The following IPO13 variants were observed in gnomAD, a reference collection of about 807,000 sequenced individuals.
IPO13 encodes importin-13.
A neutral mutation model predicts 115.5 loss-of-function variants in IPO13; 28 were observed. The observed-to-expected ratio is 0.24, with a 90% CI of 0.18 to 0.33. The LOEUF (loss-of-function observed/expected upper bound fraction) is 0.33, where lower values mean the gene tolerates loss of function less well. Among genes scored for constraint, IPO13 ranks in the 10% least tolerant of loss-of-function variants. The pLI is 1.00. For synonymous variants in IPO13, 414 were observed against 478.9 expected (o/e 0.86, Z 1.77); for missense variants, 785 against 1,204.6 (o/e 0.65, Z 5.16).
chr1:43,947,566 TC>T lies in IPO13; in HGVS notation c.-34del. The T allele has an allele frequency of 8.3e-7, 1 of 1,206,090 alleles. No individual in the cohort carries two copies. Among genetic ancestry groups the T allele is most frequent in the Non-Finnish European group, 1.1e-6 (1 of 938,682 alleles). The allele number at this position is 1,206,090 out of a possible 1,614,324, so 74.7% of individuals were successfully genotyped here. A position where few individuals can be genotyped will look rare whatever the true frequency, so the allele number is the denominator to read the frequency against. ...CCAAGGGGCTGGGGCAGGAGACAGATCAGGGCCCACCTCCCTGCCAGGGAGG... is the reference window on the plus strand; with the variant it reads ...CCAAGGGGCTGGGGCAGGAGACAGATAGGGCCCACCTCCCTGCCAGGGAGG... On this transcript the variant is annotated 5_prime_UTR_variant, in exon 1 of 20. Coordinates refer to ENST00000372343, the MANE Select transcript of IPO13 (RefSeq NM_014652.4).
At chr1:43,962,700 G>A (rs1203944629) in intron 14 of IPO13, among the ~76,000 whole-genome samples, 1 of 152,194 alleles carries the variant, frequency 6.6e-6, no homozygotes, top group Non-Finnish European at 1.5e-5. Context: ...TAGAAAGGAG[G>A]AAGACTGCAT....
At chr1:43,964,190 C>G (rs934713104) in intron 14 of IPO13, 79 bp from the exon 15 acceptor site, 15 of 965,360 alleles carry the variant, frequency 1.6e-5, no homozygotes, top group Non-Finnish European at 2.0e-5. Context: ...CCTGCAGGCT[C>G]TCAGTCCCAC....
rs199615197 is a variant in IPO13 at position 43,957,271 on chromosome 1, C to T, written c.1348C>T (p.Leu450=). ...AELLSNLYDK[L]GRLLTSSEEP... ...GCTGCTCAGCAACCTCTATGACAAG[C>T]TGGGTCGTTTGCTCACCAGCTCAGA... is the stretch of plus-strand genomic sequence containing the variant. Residue 450 remains leucine, a synonymous_variant, in exon 6 of 20, where the codon CTG becomes TTG. Coordinates refer to ENST00000372343, the MANE Select transcript of IPO13 (RefSeq NM_014652.4). 16 of 1,614,128 alleles carry T rather than the reference C, an allele frequency of 9.9e-6. No individual in the cohort carries two copies. The Admixed American group carries it at 1.0e-4, about 10-fold the overall frequency.
intron 1 of IPO13, 22 bp downstream of exon 1, chr1:43,947,706 C>T: frequency 8.0e-7 from 1 of 1,242,978 alleles, no homozygotes; most frequent in African/African-American, 1.6e-5. Context: ...CTGGGGTGGG[C>T]ACTCCAGTGA....
At chr1:43,959,595 CGTT>C (rs1481194775) in intron 11 of IPO13, among the ~76,000 whole-genome samples, 9 of 152,176 alleles carry the variant, frequency 5.9e-5, no homozygotes, top group African/African-American at 1.7e-4. Context: ...CTGCTTTAGT[CGTT>C]GTTCCCAGAA....
intron 2 of IPO13, among the ~76,000 whole-genome samples, chr1:43,955,804 T>A (rs2085243276): frequency 6.6e-6 from 1 of 152,156 alleles, no homozygotes; most frequent in Non-Finnish European, 1.5e-5. Flanking sequence ...CATGACAGTC[T>A]GCCCTCTGGT....
In IPO13 at chr1:43,947,375, C is replaced by G. The variant is rs1392885169; in HGVS notation, c.-226C>G. The G allele has an allele frequency of 2.0e-5, 8 of 398,920 alleles. No individual in the cohort carries two copies. Among genetic ancestry groups the G allele is most frequent in the Admixed American group, 1.8e-4 (4 of 22,718 alleles). The allele number at this position is 398,920 out of a possible 1,614,324, so 24.7% of individuals were successfully genotyped here. On this transcript the variant is annotated 5_prime_UTR_variant, in exon 1 of 20. Transcript: ENST00000372343. ...AGCTCCTCACTGACGGCTCCCTCCT[C>G]GGAGTCCCCTTCATTGGGTCTCCTA...
intron 14 of IPO13, 75 bp from the exon 15 acceptor site, chr1:43,964,194 G>A: frequency 9.9e-7 from 1 of 1,010,860 alleles, no homozygotes; most frequent in Non-Finnish European, 1.6e-6. Flanking sequence ...CAGGCTCTCA[G>A]TCCCACATAA....
chr1:43,962,508 C>A (rs2085296873), intron 14 of IPO13, among the ~76,000 whole-genome samples: 1 of 152,170 alleles, frequency 6.6e-6, no homozygotes, highest in South Asian at 2.1e-4. Flanking sequence ...TTGTTCCATT[C>A]CCACCCACAT....
chr1:43,951,331 G>T (rs1471177440), intron 2 of IPO13, among the ~76,000 whole-genome samples: 1 of 152,190 alleles, frequency 6.6e-6, no homozygotes, highest in East Asian at 1.9e-4. Flanking sequence ...GAGAACGCAG[G>T]GGCCTTGAAG....
chr1:43,954,756 C>T (rs546858615), intron 2 of IPO13, among the ~76,000 whole-genome samples: 2 of 152,190 alleles, frequency 1.3e-5, no homozygotes, highest in East Asian at 3.9e-4. Context: ...TTTTCTCATT[C>T]AACACTTTCT....
intron 2 of IPO13, 74 bp downstream of exon 2, chr1:43,950,227 A>G (rs1188259797): frequency 6.7e-7 from 1 of 1,486,122 alleles, no homozygotes; most frequent in African/African-American, 1.4e-5. Flanking sequence ...TCTGTTCAAT[A>G]AACATTAATT....
rs112606812 is a variant in IPO13 at position 43,947,485 on chromosome 1, C to A, written c.-116C>A. ...GGCAGCCATGCCCGCCCTGGGCCCCCCCTCACCCCACCACTCCCTGGGCAC... is the reference window on the plus strand; with the variant it reads ...GGCAGCCATGCCCGCCCTGGGCCCCACCTCACCCCACCACTCCCTGGGCAC... On this transcript the variant is annotated 5_prime_UTR_variant, in exon 1 of 20. Transcript: ENST00000372343. 2 of 539,568 alleles carry A rather than the reference C, an allele frequency of 3.7e-6. No homozygotes were observed. The highest frequency in any genetic ancestry group is 2.8e-6 in the Non-Finnish European group (1 of 352,738). 33.4% of individuals were successfully genotyped at this position (539,568 alleles called of 1,614,324 possible).
At chr1:43,957,157 G>C in intron 5 of IPO13, 38 bp from the exon 6 acceptor site, 1 of 1,606,130 alleles carries the variant, frequency 6.2e-7, no homozygotes, top group Non-Finnish European at 8.5e-7. Flanking sequence ...CCAGGGTCAG[G>C]ATCCAGGCAG....
rs539551187 is a variant in IPO13 at position 43,965,763 on chromosome 1, A to AT, written c.2398-811dup. ...TGGGGGTGTTTGCACATGAGTAAAC[A>AT]TGGGGGGTAGAGGGGATGTGAGGGG... On this transcript the variant is annotated intron_variant, in intron 15 of 19. Coordinates refer to ENST00000372343, the MANE Select transcript of IPO13 (RefSeq NM_014652.4). Among the ~76,000 whole-genome samples the AT allele has an allele frequency of 3.9e-5, 5 of 126,632 alleles. No individual in the cohort carries two copies. In the East Asian group the frequency reaches 1.3e-3, roughly 32 times the overall value. The allele number at this position is 126,632 out of a possible 152,430, so 83.1% of individuals were successfully genotyped here.
chr1:43,955,555 C>T (rs1327475702), intron 2 of IPO13, among the ~76,000 whole-genome samples: 3 of 152,210 alleles, frequency 2.0e-5, no homozygotes, highest in Non-Finnish European at 4.4e-5. Context: ...TGTTCCCTGG[C>T]TTCCAGCTGG....
chr1:43,949,306 C>G lies in IPO13; in HGVS notation c.85-111C>G. ...GAGCGCTGAGCTCTCCCTGCTCAGC[C>G]CCCCAGTCAGGGAGAGGGAGCAGCC... is the stretch of plus-strand genomic sequence containing the variant. On this transcript the variant is annotated intron_variant, in intron 1 of 19. Transcript: ENST00000372343. 4 of 1,170,068 alleles carry G rather than the reference C, an allele frequency of 3.4e-6. No individual in the cohort carries two copies. The South Asian group carries it at 6.4e-5, about 19-fold the overall frequency. 72.5% of individuals were successfully genotyped at this position (1,170,068 alleles called of 1,614,324 possible). A position where few individuals can be genotyped will look rare whatever the true frequency, so the allele number is the denominator to read the frequency against.
Position 43,958,416 on chromosome 1 carries a change from C to T in IPO13, c.1750-45C>T, listed in dbSNP as rs2085266601. ...GAGGCTCATTTTCCTTCCTACCCCA[C>T]AACTAGATGTGGCCAGGACTGACCA... On this transcript the variant is annotated intron_variant, in intron 9 of 19. Transcript: ENST00000372343. This position sits in a 1 kb window ranked among gnomAD's most constrained non-coding sequence, Gnocchi z 6.3. The T allele has an allele frequency of 1.9e-6, 3 of 1,612,584 alleles. No individual in the cohort carries two copies. Among genetic ancestry groups the T allele is most frequent in the Non-Finnish European group, 1.7e-6 (2 of 1,179,374 alleles).
chr1:43,961,318 C>T, intron 14 of IPO13, 56 bp downstream of exon 14: 1 of 1,437,198 alleles, frequency 7.0e-7, no homozygotes, highest in Non-Finnish European at 9.8e-7. Flanking sequence ...CTCTGCTTCC[C>T]CAAATGGGGA....
Sources: allele counts gnomAD v4.1 joint callset (sites outside exome capture counted in the v4.1 genomes callset), GRCh38; gene constraint gnomAD v4.1.1; non-coding constraint Gnocchi (gnomAD v3.1); transcripts MANE v1.5; gene names NCBI Gene and HGNC (gene_info 2026-07-23, HGNC 2026-07-21).